ABCF1: variants seen among roughly 807,000 people sequenced by gnomAD.
ABCF1 encodes the protein ATP-binding cassette sub-family F member 1.
In ABCF1, 73 loss-of-function variants were observed where a neutral mutation model predicts 126.3. That is an observed-to-expected ratio of 0.58 (90% CI 0.48 to 0.70). The LOEUF is 0.70. Among genes scored for constraint, ABCF1 ranks in the 30% least tolerant of loss-of-function variants. ABCF1 has a pLI of 0.00. For missense variants in ABCF1, 786 were observed against 1,057.5 expected, an observed-to-expected ratio of 0.74 and a Z score of 3.56; for synonymous variants, 345 against 396.4, an observed-to-expected ratio of 0.87 and a Z score of 1.54.
chr6:30,584,689 A>G lies in ABCF1; in HGVS notation c.1391+123A>G. On this transcript the variant is annotated intron_variant, in intron 14 of 24. Coordinates refer to ENST00000326195, the MANE Select transcript of ABCF1 (RefSeq NM_001025091.2). This position sits in a 1 kb window ranked among gnomAD's most constrained non-coding sequence, Gnocchi z 4.6. ...CAAGGCTTACCTCTCCCTCCTTACT[A>G]TCTGTGTTGTGAGAACTTAGGGTCT... 7.6e-7 allele frequency: 1 copy of G among 1,308,324 alleles called. No homozygotes were observed. The highest frequency in any genetic ancestry group is 2.4e-5 in the East Asian group (1 of 42,044). 81.0% of individuals were successfully genotyped at this position (1,308,324 alleles called of 1,614,324 possible). A position where few individuals can be genotyped will look rare whatever the true frequency, so the allele number is the denominator to read the frequency against.
chr6:30,584,499 C>CCACA lies in ABCF1; in HGVS notation c.1325_1326insACAC (p.Glu443HisfsTer2). 1 of 1,612,958 alleles carries CCACA rather than the reference C, an allele frequency of 6.2e-7. No homozygotes were observed. The highest frequency in any genetic ancestry group is 8.5e-7 in the Non-Finnish European group (1 of 1,180,018). On this transcript the variant is annotated frameshift_variant, in exon 14 of 25. Coordinates refer to ENST00000326195, the MANE Select transcript of ABCF1 (RefSeq NM_001025091.2). LOFTEE classifies it high-confidence loss of function. The surrounding 1 kb of genome is among the most constrained non-coding windows in gnomAD (Gnocchi z 4.6). ...GATCCTGGCTGGCCTGGGCTTTGAC[C>CCACA]CTGAAATGCAGAATCGACCCACACA...
chr6:30,574,224 T>C lies in ABCF1; in HGVS notation c.73+2664T>C, dbSNP rs1391672198. Among the ~76,000 whole-genome samples the C allele has an allele frequency of 1.3e-5, 2 of 151,750 alleles. No homozygotes were observed. The highest frequency in any genetic ancestry group is 2.9e-5 in the Non-Finnish European group (2 of 67,934). On this transcript the variant is annotated intron_variant, in intron 1 of 24. Transcript: ENST00000326195. This position sits in a 1 kb window ranked among gnomAD's most constrained non-coding sequence, Gnocchi z 4.3. The stretch of plus-strand genomic sequence containing the variant: ...CGATCTCAGCTCACTGCAGCCTCAA[T>C]CGCAGGCTCAAGCCATCTTCCCTTG...
intron 1 of ABCF1, 40 bp from the exon 2 acceptor site, chr6:30,577,369 T>G (rs1801556222): frequency 6.2e-7 from 1 of 1,609,928 alleles, no homozygotes; most frequent in Admixed American, 1.7e-5. Context: ...TGCTTTGGAA[T>G]TTGCAGATAA....
In ABCF1 at chr6:30,580,485, A is replaced by C. The variant is rs1177219270; in HGVS notation, c.644A>C (p.Lys215Thr). 1 of 1,528,058 alleles carries C rather than the reference A, an allele frequency of 6.5e-7. No homozygotes were observed. The highest frequency in any genetic ancestry group is 1.5e-5 in the African/African-American group (1 of 68,692). 94.7% of individuals were successfully genotyped at this position (1,528,058 alleles called of 1,614,324 possible). ...ATTATAAAGGAAAAGGAGCCTCCCA[A>C]ACAAGGGAAGGAGAAGGCCAAGAAG... is the stretch of plus-strand genomic sequence containing the variant. ...EEIIKEKEPP[K>T]QGKEKAKKAE... Residue 215 changes from lysine (K) to threonine (T), a missense_variant, in exon 8 of 25, where the codon AAA becomes ACA. By Grantham distance (78) the Lys-to-Thr change is moderately conservative. This residue lies in a region of ABCF1 where 322 missense variants were observed against 322.9 expected (regional missense o/e 1.00). Coordinates refer to ENST00000326195, the MANE Select transcript of ABCF1 (RefSeq NM_001025091.2).
rs1257934425 is a variant in ABCF1, at chr6:30,583,798, T to C, written c.1017-7T>C. 1 of 1,613,674 alleles carries C rather than the reference T, an allele frequency of 6.2e-7. No homozygotes were observed. Among genetic ancestry groups the C allele is most frequent in the Non-Finnish European group, 8.5e-7 (1 of 1,179,928 alleles). On this transcript the variant is annotated splice_polypyrimidine_tract_variant and splice_region_variant and intron_variant, in intron 11 of 24. Transcript: ENST00000326195. The surrounding 1 kb of genome is among the most constrained non-coding windows in gnomAD (Gnocchi z 4.1). The stretch of plus-strand genomic sequence containing the variant: ...GTGGCCAGGTCCTAATAGCTTTTAT[T>C]CCCCAGCAAGGGCAAGACCACACTC...
chr6:30,581,513 T>A (rs1801816642), intron 8 of ABCF1, among the ~76,000 whole-genome samples: 1 of 151,248 alleles, frequency 6.6e-6, no homozygotes, highest in Non-Finnish European at 1.5e-5. Context: ...AAGCAATTCT[T>A]CTGCCTCAGT....
Position 30,571,466 on chromosome 6 carries a change from A to T in ABCF1, c.-22A>T, listed in dbSNP as rs779626964. 6 of 1,604,408 alleles carry T rather than the reference A, an allele frequency of 3.7e-6. No homozygotes were observed. Among genetic ancestry groups the T allele is most frequent in the Non-Finnish European group, 5.1e-6 (6 of 1,176,390 alleles). On this transcript the variant is annotated 5_prime_UTR_variant, in exon 1 of 25. Coordinates refer to ENST00000326195, the MANE Select transcript of ABCF1 (RefSeq NM_001025091.2). The stretch of plus-strand genomic sequence containing the variant: ...CGGAAATAGCACCGGGCGCCGCCAC[A>T]GTAGCTGTAACTGCCACCGCGATGC...
At chr6:30,585,421 C>A in intron 15 of ABCF1, 78 bp downstream of exon 15, 1 of 1,582,796 alleles carries the variant, frequency 6.3e-7, no homozygotes, top group Non-Finnish European at 8.7e-7. Flanking sequence ...TTTCCTTTAG[C>A]CCTTCTCCAC....
intron 9 of ABCF1, 87 bp downstream of exon 9, chr6:30,582,594 G>A (rs1423809314): frequency 2.1e-5 from 28 of 1,361,352 alleles, no homozygotes; most frequent in Non-Finnish European, 2.5e-5. Context: ...CGAAGGAAAG[G>A]TTTGGGGGCT....
rs921811000 is a variant in ABCF1 at position 30,578,526 on chromosome 6, A to G, written c.438A>G (p.Glu146=). 1.2e-6 allele frequency: 2 copies of G among 1,613,858 alleles called. No individual in the cohort carries two copies. Among genetic ancestry groups the G allele is most frequent in the Admixed American group, 3.3e-5 (2 of 59,958 alleles). Residue 146 remains glutamate (E), a synonymous_variant, in exon 6 of 25, where the codon GAA becomes GAG. Coordinates refer to ENST00000326195, the MANE Select transcript of ABCF1 (RefSeq NM_001025091.2). ...IQDQSEEEEE[E]EKHPPKPAKP... ...ATCAGAGTGAGGAAGAGGAGGAGGA[A>G]GAAAAACATCCTCCTAAGCCTGCCA...
In ABCF1 at chr6:30,585,262, C is replaced by T; in HGVS notation, c.1394C>T (p.Ala465Val). Residue 465 changes from alanine (A) to valine (V), a missense_variant and splice_region_variant, in exon 15 of 25, where the codon GCA (alanine) becomes GTA (valine). Coordinates refer to ENST00000326195, the MANE Select transcript of ABCF1 (RefSeq NM_001025091.2). Reference sequence around the variant, plus strand: ...GCCCTCTGCTACCCACCCTCTAGGGCACTGTTCATGGAGCCCACACTGCTG... The same window carrying T: ...GCCCTCTGCTACCCACCCTCTAGGGTACTGTTCATGGAGCCCACACTGCTG... Reference protein sequence around the residue: ...GWRMRVSLARALFMEPTLLML... With the variant: ...GWRMRVSLARVLFMEPTLLML... The T allele has an allele frequency of 6.2e-7, 1 of 1,613,248 alleles. No individual in the cohort carries two copies. The highest frequency in any genetic ancestry group is 8.5e-7 in the Non-Finnish European group (1 of 1,179,828).
rs9256927 is a variant in ABCF1 at position 30,576,276 on chromosome 6, C to CTTTTTTTTTTT, written c.74-1114_74-1104dup. ...AACACAGGAGTCATCTCTGAGTGCT[C>CTTTTTTTTTTT]TTTTTTTTTTTTTTTTTTTTTTTTT... On this transcript the variant is annotated intron_variant, in intron 1 of 24. Transcript: ENST00000326195. Among the ~76,000 whole-genome samples, 19 of 44,160 alleles carry CTTTTTTTTTTT rather than the reference C, an allele frequency of 4.3e-4. 3 individuals are homozygous for CTTTTTTTTTTT. The highest frequency in any genetic ancestry group is 1.3e-3 in the South Asian group (1 of 742). 29.0% of individuals were successfully genotyped at this position (44,160 alleles called of 152,430 possible). A position where few individuals can be genotyped will look rare whatever the true frequency, so the allele number is the denominator to read the frequency against.
At position 30,582,344 on chromosome 6, in the gene ABCF1, C is replaced by G. The variant is rs756126630; in HGVS notation, c.679-50C>G. The G allele has an allele frequency of 3.2e-6, 4 of 1,240,634 alleles. No individual in the cohort carries two copies. The South Asian group carries it at 3.8e-5, about 12-fold the overall frequency. 76.9% of individuals were successfully genotyped at this position (1,240,634 alleles called of 1,614,324 possible). A position where few individuals can be genotyped will look rare whatever the true frequency, so the allele number is the denominator to read the frequency against. On this transcript the variant is annotated intron_variant, in intron 8 of 24. Coordinates refer to ENST00000326195, the MANE Select transcript of ABCF1 (RefSeq NM_001025091.2). ...GTGCTGGGATTACAGGCGTGAGCCACCGCGCCCAGCCAGGAGTCCCTAGTT... is the reference window on the plus strand; with the variant it reads ...GTGCTGGGATTACAGGCGTGAGCCAGCGCGCCCAGCCAGGAGTCCCTAGTT...
chr6:30,589,878 C>T lies in ABCF1; in HGVS notation c.2137C>T (p.Arg713Trp), dbSNP rs1032623282. ...MEETPTEYLQ[R>W]GFNLPYQDAR... The stretch of plus-strand genomic sequence containing the variant: ...GGAGACGCCCACTGAGTACCTGCAG[C>T]GGGGCTTCAACCTGCCCTACCAGGA... The change falls in exon 22 of 25, where the codon CGG becomes TGG. Residue 713 changes from arginine (R) to tryptophan (W), a missense_variant. This residue lies in a region of ABCF1 where 288 missense variants were observed against 423.5 expected (regional missense o/e 0.68). Coordinates refer to ENST00000326195, the MANE Select transcript of ABCF1 (RefSeq NM_001025091.2). The T allele has an allele frequency of 9.9e-6, 16 of 1,614,164 alleles. No homozygotes were observed. The highest frequency in any genetic ancestry group is 1.6e-4 in the Middle Eastern group (1 of 6,062).
Position 30,584,382 on chromosome 6 carries a change from A to G in ABCF1, c.1243-36A>G. ...GGGCAAAGACTTGGGGGTTCCTGGG[A>G]CCCTCAGACGTGTGTCCTCTTCTCC... On this transcript the variant is annotated intron_variant, in intron 13 of 24. Coordinates refer to ENST00000326195, the MANE Select transcript of ABCF1 (RefSeq NM_001025091.2). The surrounding 1 kb of genome is among the most constrained non-coding windows in gnomAD (Gnocchi z 4.6). 6.2e-7 allele frequency: 1 copy of G among 1,612,964 alleles called. No individual in the cohort carries two copies. The highest frequency in any genetic ancestry group is 8.5e-7 in the Non-Finnish European group (1 of 1,179,994).
At position 30,584,886 on chromosome 6, in the gene ABCF1, A is replaced by C. The variant is rs1275103931; in HGVS notation, c.1391+320A>C. Among the ~76,000 whole-genome samples the C allele has an allele frequency of 6.6e-6, 1 of 152,118 alleles. No homozygotes were observed. Among genetic ancestry groups the C allele is most frequent in the Non-Finnish European group, 1.5e-5 (1 of 68,018 alleles). On this transcript the variant is annotated intron_variant, in intron 14 of 24. Coordinates refer to ENST00000326195, the MANE Select transcript of ABCF1 (RefSeq NM_001025091.2). The surrounding 1 kb of genome is among the most constrained non-coding windows in gnomAD (Gnocchi z 4.6). Reference sequence around the variant, plus strand: ...CAATATAGTGAGACTCTATCTTCACAAAAGGGGGAAGAAAACATATCCTAG... The same window carrying C: ...CAATATAGTGAGACTCTATCTTCACCAAAGGGGGAAGAAAACATATCCTAG...
In ABCF1 at chr6:30,590,696, G is replaced by C; in HGVS notation, c.2533G>C (p.Glu845Gln). The C allele has an allele frequency of 6.5e-7, 1 of 1,533,098 alleles. No homozygotes were observed. The highest frequency in any genetic ancestry group is 8.7e-7 in the Non-Finnish European group (1 of 1,147,280). 95.0% of individuals were successfully genotyped at this position (1,533,098 alleles called of 1,614,324 possible). Residue 845 changes from glutamate to glutamine, a missense_variant, in exon 25 of 25, where the codon GAG (glutamate) becomes CAG (glutamine). Physicochemically the swap from Glu to Gln is conservative, Grantham distance 29 (BLOSUM62 2). Around this residue, in one of 4 missense-constraint regions of ABCF1, gnomAD observed 288 missense variants for 423.5 expected, o/e 0.68. Coordinates refer to ENST00000326195, the MANE Select transcript of ABCF1 (RefSeq NM_001025091.2). The part of the protein sequence containing the change: ...LGEVMVSRPR[E>Q] ...TGAAGTCATGGTCAGCCGGCCCCGA[G>C]AGTGAGCTTTCCTTCCCAGAAGTCT... is the stretch of plus-strand genomic sequence containing the variant.
rs1231438138 is a variant in ABCF1, at chr6:30,584,208, G to A, written c.1119G>A (p.Glu373=). The change falls in exon 13 of 25, where the codon GAG becomes GAA. Residue 373 remains glutamate, a synonymous_variant. Coordinates refer to ENST00000326195, the MANE Select transcript of ABCF1 (RefSeq NM_001025091.2). This position sits in a 1 kb window ranked among gnomAD's most constrained non-coding sequence, Gnocchi z 4.6. The stretch of plus-strand genomic sequence containing the variant: ...GCCTCCCAGAGGTGGTAGCAGATGA[G>A]ACACCAGCAGTCCAGGCTGTTCTTC... The part of the protein sequence containing the change: ...LLCEQEVVAD[E]TPAVQAVLRA... The A allele has an allele frequency of 4.3e-6, 7 of 1,612,516 alleles. No individual in the cohort carries two copies. In the South Asian group the frequency reaches 6.6e-5, roughly 15 times the overall value.
At chr6:30,576,300 TTTTTTG>T in intron 1 of ABCF1, among the ~76,000 whole-genome samples, 1 of 138,192 alleles carries the variant, frequency 7.2e-6, no homozygotes, top group South Asian at 2.5e-4. Flanking sequence ...TTTTTTTTTT[TTTTTTG>T]AGATAGAGTC....
Sources: allele counts gnomAD v4.1 joint callset (sites outside exome capture counted in the v4.1 genomes callset), GRCh38; gene constraint gnomAD v4.1.1; regional missense constraint gnomAD v4.1.1; non-coding constraint Gnocchi (gnomAD v3.1); transcripts MANE v1.5; gene names NCBI Gene and HGNC (gene_info 2026-07-23, HGNC 2026-07-21).